FERMT2: variants seen among roughly 807,000 people sequenced by gnomAD.
FERMT2 encodes fermitin family homolog 2.
In FERMT2, 15 loss-of-function variants were observed where a neutral mutation model predicts 82.7. That is an observed-to-expected ratio of 0.18 (90% CI 0.12 to 0.28). The LOEUF is 0.28. Ranked by LOEUF, FERMT2 falls within the 10% of genes least tolerant of loss-of-function variation. The probability of loss-of-function intolerance (pLI) is 1.00; values close to 1 mark genes in which losing one functional copy is unlikely to be tolerated. For synonymous variants in FERMT2, 274 were observed against 271.5 expected, an observed-to-expected ratio of 1.01 and a Z score of -0.09; for missense variants, 645 against 809.4, an observed-to-expected ratio of 0.80 and a Z score of 2.46.
intron 2 of FERMT2, among the ~76,000 whole-genome samples, chr14:52,927,592 T>TAAAAAAAAAAAAAAAAAAAA (rs71125150): frequency 3.0e-5 from 1 of 33,714 alleles, no homozygotes; most frequent in African/African-American, 1.3e-4. Flanking sequence ...CTCATCCCTA[T>TAAAAAAAAAAAAAAAAAAAA]AAAAAAAAAA....
Position 52,858,550 on chromosome 14 carries a change from C to T in FERMT2, c.1870G>A (p.Val624Ile). The T allele has an allele frequency of 6.2e-7, 1 of 1,613,792 alleles. No homozygotes were observed. Among genetic ancestry groups the T allele is most frequent in the Non-Finnish European group, 8.5e-7 (1 of 1,179,798 alleles). ...QWNVNWEIKMVTVEFADEVRL... is the reference protein window; with the variant it reads ...QWNVNWEIKMITVEFADEVRL... ...ACTTCATCTGCAAACTCTACGGTGA[C>T]CTGGAACAAAGACAAGAGCCATCAG... Residue 624 changes from valine to isoleucine, a missense_variant and splice_region_variant, in exon 15 of 15, where the codon GTC becomes ATC. Physicochemically the swap from Val to Ile is conservative, Grantham distance 29 (BLOSUM62 3). Coordinates refer to ENST00000341590, the MANE Select transcript of FERMT2 (RefSeq NM_006832.3).
intron 12 of FERMT2, 62 bp from the exon 13 acceptor site, chr14:52,860,527 C>T: frequency 1.4e-6 from 2 of 1,434,404 alleles, no homozygotes; most frequent in Non-Finnish European, 1.9e-6. Context: ...AGAACTGAGA[C>T]AAAAGATCAA....
chr14:52,950,544 G>C lies in FERMT2; in HGVS notation c.25C>G (p.Pro9Ala). ...GTCCCGTCCGCGTAGCAGCCATCTG[G>C]CATCCTTATCCCGTCCAGAGCCATG... is the stretch of plus-strand genomic sequence containing the variant. MALDGIRMPDGCYADGTWE... is the reference protein window; with the variant it reads MALDGIRMADGCYADGTWE... Residue 9 changes from proline to alanine, a missense_variant, in exon 2 of 15, where the codon CCA becomes GCA. Transcript: ENST00000341590. 1 of 1,614,138 alleles carries C rather than the reference G, an allele frequency of 6.2e-7. No individual in the cohort carries two copies. Among genetic ancestry groups the C allele is most frequent in the Non-Finnish European group, 8.5e-7 (1 of 1,180,014 alleles).
intron 3 of FERMT2, among the ~76,000 whole-genome samples, chr14:52,905,893 G>A (rs371331290): frequency 9.0e-4 from 137 of 152,280 alleles, no homozygotes; most frequent in South Asian, 6.2e-4. Flanking sequence ...TAAGATGCAC[G>A]GCTAGAAGAA....
At chr14:52,881,886 A>G (rs1232054932) in intron 4 of FERMT2, 3 of 678,806 alleles carry the variant, frequency 4.4e-6, no homozygotes, top group Middle Eastern at 3.0e-4. Flanking sequence ...AACAGAGGAC[A>G]GAAACAAAAG....
chr14:52,937,988 C>A (rs61271394), intron 2 of FERMT2, among the ~76,000 whole-genome samples: 3,208 of 152,282 alleles, frequency 0.021, 78 homozygotes, highest in East Asian at 0.074. Context: ...ACACATGTGT[C>A]TGCATTTAAT....
chr14:52,943,862 C>A (rs554396016), intron 2 of FERMT2, among the ~76,000 whole-genome samples: 6 of 152,272 alleles, frequency 3.9e-5, no homozygotes, highest in African/African-American at 1.4e-4. Context: ...TACATATTTT[C>A]TTTCCATTCT....
In FERMT2 at chr14:52,933,176, T is replaced by A. The variant is rs115212554; in HGVS notation, c.158-13820A>T. 6.4e-3 allele frequency among the ~76,000 whole-genome samples: 982 copies of A among 152,326 alleles called. 12 individuals carry two copies. The highest frequency in any genetic ancestry group is 0.022 in the African/African-American group (932 of 41,566). On this transcript the variant is annotated intron_variant, in intron 2 of 14. Transcript: ENST00000341590. ...CTTATATCTTTGAAATTAGATAATATGTATCTCTACAAGTTATATTTTACT... is the reference window on the plus strand; with the variant it reads ...CTTATATCTTTGAAATTAGATAATAAGTATCTCTACAAGTTATATTTTACT...
chr14:52,909,119 T>C (rs1274088313), intron 3 of FERMT2, among the ~76,000 whole-genome samples: 1 of 151,978 alleles, frequency 6.6e-6, no homozygotes, highest in East Asian at 1.9e-4. Context: ...AGGACACAGG[T>C]GTGGAAGAGA....
chr14:52,896,551 A>T lies in FERMT2; in HGVS notation c.392-3124T>A, dbSNP rs141992539. 2.1e-3 allele frequency among the ~76,000 whole-genome samples: 314 copies of T among 152,334 alleles called. 2 individuals are homozygous for T. Among genetic ancestry groups the T allele is most frequent in the South Asian group, 0.013 (63 of 4,828 alleles). On this transcript the variant is annotated intron_variant, in intron 3 of 14. Coordinates refer to ENST00000341590, the MANE Select transcript of FERMT2 (RefSeq NM_006832.3). ...CTATTTATTAGCTGTGTGACTCTGG[A>T]CAAGCTACTCAGCCTGTCGGTGTCT...
intron 4 of FERMT2, 24 bp from the exon 5 acceptor site, chr14:52,881,493 G>A (rs777746883): frequency 4.1e-5 from 61 of 1,505,526 alleles, no homozygotes; most frequent in Non-Finnish European, 5.2e-5. Context: ...TGAAAAACAG[G>A]TAGTAAGTAT....
Position 52,901,141 on chromosome 14 carries a change from C to T in FERMT2, c.392-7714G>A, listed in dbSNP as rs530786339. Among the ~76,000 whole-genome samples, 720 of 143,488 alleles carry T rather than the reference C, an allele frequency of 5.0e-3. 8 individuals are homozygous for T. Among genetic ancestry groups the T allele is most frequent in the African/African-American group, 0.017 (662 of 38,888 alleles). 94.1% of individuals were successfully genotyped at this position (143,488 alleles called of 152,430 possible). A position where few individuals can be genotyped will look rare whatever the true frequency, so the allele number is the denominator to read the frequency against. On this transcript the variant is annotated intron_variant, in intron 3 of 14. Coordinates refer to ENST00000341590, the MANE Select transcript of FERMT2 (RefSeq NM_006832.3). ...AAAAAAAAAAAAAAAATTAGCTGGG[C>T]GTTGTGGCGGGCGCCTGTAGTCCCA... is the stretch of plus-strand genomic sequence containing the variant.
chr14:52,893,498 G>A (rs1887074475), intron 3 of FERMT2, 71 bp from the exon 4 acceptor site: 10 of 1,194,614 alleles, frequency 8.4e-6, no homozygotes, highest in South Asian at 7.6e-5. Flanking sequence ...TAAATCTATT[G>A]TTTCAAGATA....
chr14:52,886,356 TAG>T (rs1181763690), intron 4 of FERMT2, among the ~76,000 whole-genome samples: 1 of 151,994 alleles, frequency 6.6e-6, no homozygotes, highest in Non-Finnish European at 1.5e-5. Flanking sequence ...TGTATTTTTT[TAG>T]AGACAGGGTC....
chr14:52,930,950 G>A (rs1384417458), intron 2 of FERMT2, among the ~76,000 whole-genome samples: 1 of 152,012 alleles, frequency 6.6e-6, no homozygotes, highest in East Asian at 1.9e-4. Flanking sequence ...ACCCCTTTAG[G>A]TCTTTCTCCT....
chr14:52,881,548 T>C (rs1886298997), intron 4 of FERMT2, 79 bp from the exon 5 acceptor site: 2 of 1,097,426 alleles, frequency 1.8e-6, no homozygotes, highest in African/African-American at 1.6e-5. Context: ...TATTATGATA[T>C]AAAGCACATT....
At chr14:52,888,569 A>G (rs1309708879) in intron 4 of FERMT2, among the ~76,000 whole-genome samples, 1 of 152,156 alleles carries the variant, frequency 6.6e-6, no homozygotes, top group African/African-American at 2.4e-5. Flanking sequence ...CTAAGCTGAT[A>G]ATTTTATTTT....
At chr14:52,902,882 AAAAAAAAAAC>A (rs1242686375) in intron 3 of FERMT2, among the ~76,000 whole-genome samples, 2 of 140,400 alleles carry the variant, frequency 1.4e-5, no homozygotes, top group Non-Finnish European at 3.1e-5. Flanking sequence ...AAAAAAAAAA[AAAAAAAAAAC>A]CCCAAAACAC....
At position 52,858,023 on chromosome 14, in the gene FERMT2, T is replaced by A. The variant is rs559350608; in HGVS notation, c.*354A>T. ...AATCACATGCATTAGACATGATAAA[T>A]AGAGTTCATATAGGTTAAGCCCTGG... On this transcript the variant is annotated 3_prime_UTR_variant, in exon 15 of 15. Coordinates refer to ENST00000341590, the MANE Select transcript of FERMT2 (RefSeq NM_006832.3). 5.2e-6 allele frequency: 1 copy of A among 192,724 alleles called. No homozygotes were observed. Among genetic ancestry groups the A allele is most frequent in the East Asian group, 1.2e-4 (1 of 8,320 alleles). 11.9% of individuals were successfully genotyped at this position (192,724 alleles called of 1,614,324 possible).
Sources: allele counts gnomAD v4.1 joint callset (sites outside exome capture counted in the v4.1 genomes callset), GRCh38; gene constraint gnomAD v4.1.1; transcripts MANE v1.5; gene names NCBI Gene and HGNC (gene_info 2026-07-23, HGNC 2026-07-21).